The following PTPRN2 variants were observed in gnomAD, a reference collection of about 807,000 sequenced individuals.
The protein encoded by PTPRN2 is receptor-type tyrosine-protein phosphatase N2.
PTPRN2 carries 74 observed loss-of-function variants against 118.8 expected under a neutral mutation model. That is an observed-to-expected ratio of 0.62 (90% CI 0.52 to 0.76). The LOEUF (loss-of-function observed/expected upper bound fraction) is 0.76. Ranked by LOEUF, PTPRN2 falls within the 30% of genes least tolerant of loss-of-function variation. PTPRN2 has a pLI of 0.00. For missense variants in PTPRN2, 1,481 were observed against 1,394.4 expected (o/e 1.06, Z -0.99); for synonymous variants, 641 against 608.0 (o/e 1.05, Z -0.80).
Position 157,841,316 on chromosome 7 carries a change from C to G in PTPRN2, c.1788+57357G>C, listed in dbSNP as rs534872422. Among the ~76,000 whole-genome samples, 3 of 152,338 alleles carry G rather than the reference C, an allele frequency of 2.0e-5. No individual in the cohort carries two copies. The East Asian group carries it at 5.8e-4, about 29-fold the overall frequency. ...ATCGGTGAAGAGACAAAACTGTGAA[C>G]GAGGACATTATCTAAAGTGCAGAGC... On this transcript the variant is annotated intron_variant, in intron 12 of 22. Transcript: ENST00000389418.
chr7:157,918,092 G>A (rs1373987801), intron 11 of PTPRN2, among the ~76,000 whole-genome samples: 1 of 152,162 alleles, frequency 6.6e-6, no homozygotes, highest in African/African-American at 2.4e-5. Flanking sequence ...ATAGCCTTAG[G>A]TTCTGCGTTT....
At chr7:158,249,182 C>CACGAACA (rs1487572504) in intron 3 of PTPRN2, among the ~76,000 whole-genome samples, 1 of 152,110 alleles carries the variant, frequency 6.6e-6, no homozygotes, top group African/African-American at 2.4e-5. Context: ...ACAGCACACA[C>CACGAACA]ACGAACACAC....
At chr7:157,911,121 G>C (rs145717043) in intron 11 of PTPRN2, among the ~76,000 whole-genome samples, 1 of 152,304 alleles carries the variant, frequency 6.6e-6, no homozygotes, top group Non-Finnish European at 1.5e-5. Context: ...CCAAGAAGAG[G>C]CTATCCATGA....
chr7:158,350,108 T>A (rs1807814540), intron 2 of PTPRN2, among the ~76,000 whole-genome samples: 1 of 152,132 alleles, frequency 6.6e-6, no homozygotes, highest in African/African-American at 2.4e-5. Context: ...ATGTATGGGA[T>A]CTGTACCAAG....
At chr7:158,366,200 G>A (rs1255322146) in intron 2 of PTPRN2, among the ~76,000 whole-genome samples, 9 of 115,314 alleles carry the variant, frequency 7.8e-5, no homozygotes, top group African/African-American at 3.1e-4. Context: ...GTGTGCAAAT[G>A]CACACACACA....
chr7:158,023,599 A>G (rs1807063826), intron 11 of PTPRN2, among the ~76,000 whole-genome samples: 1 of 152,140 alleles, frequency 6.6e-6, no homozygotes, highest in Non-Finnish European at 1.5e-5. Context: ...GGTGTCCCCC[A>G]CTGCCTGGAC....
chr7:157,942,255 G>A (rs1563260176), intron 11 of PTPRN2, among the ~76,000 whole-genome samples: 1 of 151,608 alleles, frequency 6.6e-6, no homozygotes, highest in Non-Finnish European at 1.5e-5. Context: ...TCCAGAGGAG[G>A]TGATCTTGAG....
intron 2 of PTPRN2, among the ~76,000 whole-genome samples, chr7:158,446,885 G>A (rs1001923643): frequency 3.9e-5 from 6 of 152,202 alleles, no homozygotes; most frequent in African/African-American, 1.2e-4. Flanking sequence ...GACTGAAGGC[G>A]GCCGGCCTGC....
At chr7:158,105,528 C>G (rs1815614993) in intron 10 of PTPRN2, among the ~76,000 whole-genome samples, 1 of 151,926 alleles carries the variant, frequency 6.6e-6, no homozygotes, top group Admixed American at 6.6e-5. Context: ...CCAGCTCTAC[C>G]CCAGGTACAT....
At chr7:157,678,223 TATTTTGACCTGG>T (rs1167364693) in intron 13 of PTPRN2, among the ~76,000 whole-genome samples, 1 of 152,248 alleles carries the variant, frequency 6.6e-6, no homozygotes, top group African/African-American at 2.4e-5. Flanking sequence ...AAAAATATAT[TATTTTGACCTGG>T]AAATTTAAAT....
chr7:158,190,760 G>A (rs1825694466), intron 5 of PTPRN2, among the ~76,000 whole-genome samples: 1 of 152,270 alleles, frequency 6.6e-6, no homozygotes, highest in African/African-American at 2.4e-5. Flanking sequence ...TGTGGGTCTG[G>A]CACCCCGTGG....
At chr7:158,155,751 T>TCAA (rs1563529991) in intron 6 of PTPRN2, among the ~76,000 whole-genome samples, 285 of 20,926 alleles carry the variant, frequency 0.014, no homozygotes, top group Admixed American at 0.037. Context: ...ATCATCACCA[T>TCAA]CACCATCATC....
intron 1 of PTPRN2, among the ~76,000 whole-genome samples, chr7:158,524,453 A>AGTC (rs1468360836): frequency 4.4e-5 from 2 of 45,940 alleles, no homozygotes; most frequent in African/African-American, 8.6e-5. Context: ...CCTGGAGCGG[A>AGTC]GTCTGCCCTG....
At chr7:158,428,302 T>C (rs1586652929) in intron 2 of PTPRN2, among the ~76,000 whole-genome samples, 1 of 151,838 alleles carries the variant, frequency 6.6e-6, no homozygotes, top group East Asian at 1.9e-4. Context: ...TCGCAGCGCA[T>C]CCAAGACAAG....
chr7:158,286,819 T>C (rs1195897019), intron 3 of PTPRN2, among the ~76,000 whole-genome samples: 3 of 152,220 alleles, frequency 2.0e-5, no homozygotes, highest in Non-Finnish European at 2.9e-5. Context: ...TTTCTTTTCT[T>C]ATAGTGCCTT....
chr7:158,458,185 C>T (rs1260597634), intron 2 of PTPRN2, among the ~76,000 whole-genome samples: 2 of 152,228 alleles, frequency 1.3e-5, no homozygotes, highest in African/African-American at 4.8e-5. Context: ...CTGTGCTCCG[C>T]TTCCTCCTTT....
chr7:158,114,310 C>T (rs930367806), intron 9 of PTPRN2, among the ~76,000 whole-genome samples: 6 of 152,144 alleles, frequency 3.9e-5, no homozygotes, highest in African/African-American at 1.4e-4. Context: ...ACAGGTCAGG[C>T]CTGGGAATCT....
At chr7:158,488,632 C>T (rs1016843196) in intron 2 of PTPRN2, among the ~76,000 whole-genome samples, 1 of 152,240 alleles carries the variant, frequency 6.6e-6, no homozygotes, top group Non-Finnish European at 1.5e-5. Flanking sequence ...CTGAAAGGCC[C>T]CAGGAGGGCG....
At chr7:157,624,180 G>T (rs571009594) in intron 14 of PTPRN2, among the ~76,000 whole-genome samples, 20 of 152,324 alleles carry the variant, frequency 1.3e-4, no homozygotes, top group Admixed American at 1.1e-3. Flanking sequence ...TAGCACTTTG[G>T]AAGGCTGAGG....
Sources: gnomAD v4.1 joint callset for allele counts (sites outside exome capture counted in the v4.1 genomes callset) on GRCh38, gnomAD v4.1.1 for gene constraint, MANE v1.5 for transcripts, NCBI Gene and HGNC (gene_info 2026-07-23, HGNC 2026-07-21) for gene names.